Variants in NCAM1 observed in about 807,000 individuals in gnomAD.
NCAM1 encodes the protein antigen recognized by monoclonal antibody 5.1H11.
A neutral mutation model predicts 109.8 loss-of-function variants in NCAM1; 14 were observed. The ratio of observed to expected loss-of-function variants is 0.13; its 90% CI spans 0.08 to 0.20. The LOEUF is 0.20. Among genes scored for constraint, NCAM1 ranks in the 10% least tolerant of loss-of-function variants. The pLI is 1.00. For synonymous variants in NCAM1, 418 were observed against 442.9 expected (o/e 0.94, Z 0.70); for missense variants, 774 against 1,109.9 (o/e 0.70, Z 4.30).
At chr11:113,163,441 G>A (rs769734781) in intron 1 of NCAM1, among the ~76,000 whole-genome samples, 4 of 152,110 alleles carry the variant, frequency 2.6e-5, no homozygotes, top group Admixed American at 1.3e-4. Context: ...CTGTGGTTTC[G>A]CTATTGACCT....
intron 1 of NCAM1, chr11:113,041,340 T>C (rs1393860011): frequency 6.6e-6 from 1 of 152,200 alleles, no homozygotes; most frequent in East Asian, 1.9e-4. Flanking sequence ...GCAAGAGATG[T>C]TTCTTTGTGT....
intron 1 of NCAM1, among the ~76,000 whole-genome samples, chr11:113,113,047 G>T (rs1378592040): frequency 6.6e-6 from 1 of 152,090 alleles, no homozygotes; most frequent in East Asian, 1.9e-4. Context: ...CAGGAGAATT[G>T]CTTGAACCCA....
At chr11:113,157,812 C>T (rs1295652725) in intron 1 of NCAM1, among the ~76,000 whole-genome samples, 1 of 151,996 alleles carries the variant, frequency 6.6e-6, no homozygotes, top group Admixed American at 6.6e-5. Context: ...TTAATATCTG[C>T]CTTAATAAAA....
At chr11:113,084,553 G>T (rs1303869875) in intron 1 of NCAM1, among the ~76,000 whole-genome samples, 1 of 152,116 alleles carries the variant, frequency 6.6e-6, no homozygotes, top group East Asian at 1.9e-4. Flanking sequence ...TTTCTTCGTG[G>T]TATAAAAATA....
Position 112,963,558 on chromosome 11 carries a change from C to T in NCAM1, c.52+1894C>T, listed in dbSNP as rs1384257126. The stretch of plus-strand genomic sequence containing the variant: ...TGGGGACCAAGCCTAGTCCGCCTGG[C>T]CCTGGGTCTCCGCTGCCACCTGGGC... On this transcript the variant is annotated intron_variant, in intron 1 of 19. Transcript: ENST00000316851. The surrounding 1 kb of genome is among the most constrained non-coding windows in gnomAD (Gnocchi z 4.6). 2.0e-5 allele frequency: 3 copies of T among 152,354 alleles called. No individual in the cohort carries two copies. Among genetic ancestry groups the T allele is most frequent in the Non-Finnish European group, 4.4e-5 (3 of 68,190 alleles). 9.4% of individuals were successfully genotyped at this position (152,354 alleles called of 1,614,324 possible).
At chr11:113,180,540 C>T (rs1943298500) in intron 1 of NCAM1, among the ~76,000 whole-genome samples, 1 of 152,230 alleles carries the variant, frequency 6.6e-6, no homozygotes, top group Non-Finnish European at 1.5e-5. Context: ...GAGCCCCTAT[C>T]CCTGGGCAGA....
intron 1 of NCAM1, among the ~76,000 whole-genome samples, chr11:113,025,230 T>C (rs1952500757): frequency 6.6e-6 from 1 of 152,232 alleles, no homozygotes. Flanking sequence ...AGAATTATAC[T>C]GGACATTTTA....
At chr11:113,264,074 G>C in intron 17 of NCAM1, 1 of 985,344 alleles carries the variant, frequency 1.0e-6, no homozygotes, top group Non-Finnish European at 1.2e-6. Flanking sequence ...GAGACTCAGG[G>C]CTGAATCCTG....
At chr11:113,121,806 G>A (rs1940973653) in intron 1 of NCAM1, among the ~76,000 whole-genome samples, 1 of 152,204 alleles carries the variant, frequency 6.6e-6, no homozygotes, top group Non-Finnish European at 1.5e-5. Flanking sequence ...TGAGTTGTCT[G>A]TAAATGTGGA....
intron 7 of NCAM1, among the ~76,000 whole-genome samples, chr11:113,212,929 A>G (rs1486062199): frequency 1.3e-5 from 2 of 152,224 alleles, no homozygotes; most frequent in Non-Finnish European, 2.9e-5. Context: ...ACATTTGGCC[A>G]GATTGGATTG....
chr11:113,202,573 CT>C, intron 2 of NCAM1, 120 bp downstream of exon 2: 3 of 853,984 alleles, frequency 3.5e-6, no homozygotes, highest in Non-Finnish European at 5.3e-6. Context: ...CTTGGCATTG[CT>C]CTATTACAGG....
intron 1 of NCAM1, among the ~76,000 whole-genome samples, chr11:113,112,496 C>T (rs142518364): frequency 2.6e-5 from 4 of 152,332 alleles, no homozygotes; most frequent in Admixed American, 6.5e-5. Flanking sequence ...AGACAGAACA[C>T]TTGATTTACC....
intron 12 of NCAM1, 148 bp downstream of exon 12, chr11:113,232,962 C>A: frequency 1.0e-6 from 1 of 964,558 alleles, no homozygotes; most frequent in Non-Finnish European, 1.6e-6. Flanking sequence ...AGCTGGGAGC[C>A]ATTGGATCAG....
At chr11:113,041,687 A>T (rs2135427152) in intron 1 of NCAM1, among the ~76,000 whole-genome samples, 1 of 152,028 alleles carries the variant, frequency 6.6e-6, no homozygotes, top group South Asian at 2.1e-4. Flanking sequence ...TCTGAAAAAA[A>T]AATTATTTTA....
chr11:113,227,182 T>A (rs1555116392), intron 9 of NCAM1, among the ~76,000 whole-genome samples: 1 of 150,998 alleles, frequency 6.6e-6, no homozygotes, highest in African/African-American at 2.4e-5. Flanking sequence ...GACAGACCAC[T>A]AGCAAGACTA....
At chr11:113,256,840 A>C (rs1945846836) in intron 16 of NCAM1, among the ~76,000 whole-genome samples, 1 of 152,200 alleles carries the variant, frequency 6.6e-6, no homozygotes, top group South Asian at 2.1e-4. Flanking sequence ...ACTGAGAATA[A>C]CCTCTTGCTG....
chr11:113,046,726 A>T (rs1953279678), intron 1 of NCAM1, among the ~76,000 whole-genome samples: 1 of 152,174 alleles, frequency 6.6e-6, no homozygotes, highest in South Asian at 2.1e-4. Flanking sequence ...AGAAAGGAAG[A>T]TAGAAAGATG....
chr11:113,259,499 C>G (rs915116205), intron 16 of NCAM1, among the ~76,000 whole-genome samples: 1 of 152,138 alleles, frequency 6.6e-6, no homozygotes, highest in Non-Finnish European at 1.5e-5. Flanking sequence ...ATGCATATGT[C>G]CCCAGCACCA....
intron 1 of NCAM1, among the ~76,000 whole-genome samples, chr11:113,016,154 A>G (rs1952200903): frequency 6.6e-6 from 1 of 152,210 alleles, no homozygotes; most frequent in Admixed American, 6.5e-5. Context: ...GAGTTCATGC[A>G]AACAATAACA....
Sources: allele counts gnomAD v4.1 joint callset (sites outside exome capture counted in the v4.1 genomes callset), GRCh38; gene constraint gnomAD v4.1.1; non-coding constraint Gnocchi (gnomAD v3.1); transcripts MANE v1.5; gene names NCBI Gene and HGNC (gene_info 2026-07-23, HGNC 2026-07-21).